The following DOCK3 variants were observed in gnomAD, a reference collection of about 807,000 sequenced individuals.
The protein encoded by DOCK3 is dedicator of cytokinesis 3, also known as dedicator of cytokinesis protein 3.
In DOCK3, 60 loss-of-function variants were observed where a neutral mutation model predicts 265.6. The ratio of observed to expected loss-of-function variants is 0.23; its 90% CI spans 0.18 to 0.28. The LOEUF is 0.28. Ranked by LOEUF, DOCK3 falls within the 10% of genes least tolerant of loss-of-function variation. DOCK3 has a pLI of 1.00. For synonymous variants in DOCK3, 881 were observed against 938.0 expected (o/e 0.94, Z 1.11); for missense variants, 1,981 against 2,594.3 (o/e 0.76, Z 5.14).
intron 27 of DOCK3, among the ~76,000 whole-genome samples, chr3:51,292,390 A>C (rs368057584): frequency 3.9e-5 from 6 of 152,344 alleles, no homozygotes; most frequent in African/African-American, 1.4e-4. Context: ...ACCTGTTAGA[A>C]CTGAAAAACA....
intron 3 of DOCK3, among the ~76,000 whole-genome samples, chr3:50,883,291 A>G (rs1404859927): frequency 6.6e-6 from 1 of 152,154 alleles, no homozygotes; most frequent in Non-Finnish European, 1.5e-5. Flanking sequence ...TTTGCTAGAT[A>G]TCTGTGAATG....
chr3:51,209,002 C>A (rs745562526), intron 13 of DOCK3, 140 bp downstream of exon 13: 8 of 722,898 alleles, frequency 1.1e-5, no homozygotes, highest in Non-Finnish European at 1.5e-5. Flanking sequence ...CCTACTCATT[C>A]TTTTTGTAAT....
chr3:51,228,880 T>G (rs755147415), intron 18 of DOCK3, 48 bp downstream of exon 18: 1 of 1,592,700 alleles, frequency 6.3e-7, no homozygotes. Flanking sequence ...TCCTCCATTG[T>G]TCACTCCACA....
At position 51,158,941 on chromosome 3, in the gene DOCK3, G is replaced by A. The variant is rs866217906; in HGVS notation, c.829-303G>A. Among the ~76,000 whole-genome samples the A allele has an allele frequency of 5.3e-5, 8 of 152,144 alleles. No homozygotes were observed. In the South Asian group the frequency reaches 8.3e-4, roughly 16 times the overall value. Reference sequence around the variant, plus strand: ...CAGAATGTTTTTATATGATGTTAGAGTAAACATGGAATAAGGCGATATCAT... The same window carrying A: ...CAGAATGTTTTTATATGATGTTAGAATAAACATGGAATAAGGCGATATCAT... On this transcript the variant is annotated intron_variant, in intron 10 of 52. Transcript: ENST00000266037.
chr3:51,181,252 A>G (rs2087275244), intron 12 of DOCK3, among the ~76,000 whole-genome samples: 1 of 151,476 alleles, frequency 6.6e-6, no homozygotes, highest in Admixed American at 6.6e-5. Flanking sequence ...CTCGTCATTT[A>G]TATTAGGTAT....
chr3:50,916,709 T>G lies in DOCK3; in HGVS notation c.219-17272T>G, dbSNP rs531981741. ...CTGTAATCCCAGCTATTCAGGAGGCTGAGGCAGGAGAATAGTGTGAACCCG... is the reference window on the plus strand; with the variant it reads ...CTGTAATCCCAGCTATTCAGGAGGCGGAGGCAGGAGAATAGTGTGAACCCG... On this transcript the variant is annotated intron_variant, in intron 4 of 52. Transcript: ENST00000266037. 2.6e-5 allele frequency among the ~76,000 whole-genome samples: 4 copies of G among 151,884 alleles called. No individual in the cohort carries two copies. The East Asian group carries it at 5.8e-4, about 22-fold the overall frequency.
intron 5 of DOCK3, among the ~76,000 whole-genome samples, chr3:50,980,761 CT>C (rs1311968125): frequency 6.6e-6 from 1 of 151,982 alleles, no homozygotes; most frequent in Non-Finnish European, 1.5e-5. Context: ...TCATAATTCT[CT>C]GTAATTATAC....
chr3:51,052,115 A>G (rs993066924), intron 5 of DOCK3, among the ~76,000 whole-genome samples: 5 of 152,204 alleles, frequency 3.3e-5, no homozygotes, highest in African/African-American at 9.7e-5. Context: ...AGGAAGGATG[A>G]GTAGTAGGAA....
intron 1 of DOCK3, among the ~76,000 whole-genome samples, chr3:50,741,948 C>G (rs973367199): frequency 1.3e-5 from 2 of 152,112 alleles, no homozygotes; most frequent in Non-Finnish European, 2.9e-5. Flanking sequence ...TGTTTCCTGA[C>G]TTTTTAATGA....
At chr3:50,758,675 A>C (rs2040344675) in intron 1 of DOCK3, among the ~76,000 whole-genome samples, 1 of 152,142 alleles carries the variant, frequency 6.6e-6, no homozygotes, top group Non-Finnish European at 1.5e-5. Context: ...CTGACTCTTC[A>C]TTCCACACTT....
At chr3:50,739,389 CTA>C (rs889804448) in intron 1 of DOCK3, among the ~76,000 whole-genome samples, 2 of 151,936 alleles carry the variant, frequency 1.3e-5, no homozygotes, top group African/African-American at 4.8e-5. Flanking sequence ...TCATTAGTGA[CTA>C]TATGTTTTGC....
chr3:51,090,108 A>G, intron 8 of DOCK3, 122 bp from the exon 9 acceptor site: 1 of 1,133,144 alleles, frequency 8.8e-7, no homozygotes, highest in South Asian at 1.7e-5. Context: ...AAACATCTTC[A>G]GTTTCTCAAA....
chr3:50,860,813 G>A (rs1045869619), intron 3 of DOCK3, among the ~76,000 whole-genome samples: 4 of 152,232 alleles, frequency 2.6e-5, no homozygotes, highest in Admixed American at 2.6e-4. Context: ...AAGCCAGTGG[G>A]TCTTATCTTC....
chr3:51,255,454 A>C (rs550376409), intron 22 of DOCK3, among the ~76,000 whole-genome samples: 205 of 152,244 alleles, frequency 1.3e-3, no homozygotes, highest in Non-Finnish European at 2.2e-3. Context: ...TAATATCCTA[A>C]AGAGTGTTTT....
intron 1 of DOCK3, among the ~76,000 whole-genome samples, chr3:50,769,655 AC>A (rs1315759948): frequency 1.3e-5 from 2 of 151,918 alleles, no homozygotes; most frequent in Non-Finnish European, 2.9e-5. Context: ...TACTAAAAAT[AC>A]AAAAATTAGC....
At chr3:51,256,593 G>GTTTTTTTT (rs74193219) in intron 22 of DOCK3, among the ~76,000 whole-genome samples, 4 of 126,794 alleles carry the variant, frequency 3.2e-5, no homozygotes, top group Admixed American at 1.6e-4. Flanking sequence ...TTTCGTTTTT[G>GTTTTTTTT]TTTTTTTTTT....
At chr3:51,162,837 G>A (rs544426447) in intron 12 of DOCK3, among the ~76,000 whole-genome samples, 1 of 152,138 alleles carries the variant, frequency 6.6e-6, no homozygotes, top group Non-Finnish European at 1.5e-5. Flanking sequence ...GTCTAATAAA[G>A]TAGTTCTAAA....
intron 1 of DOCK3, among the ~76,000 whole-genome samples, chr3:50,709,346 A>G (rs1004917644): frequency 6.6e-6 from 1 of 152,024 alleles, no homozygotes; most frequent in Non-Finnish European, 1.5e-5. Context: ...GCTACTAGAG[A>G]TACTTTTACT....
At chr3:51,343,567 TG>T (rs1339351656) in intron 38 of DOCK3, among the ~76,000 whole-genome samples, 2 of 152,234 alleles carry the variant, frequency 1.3e-5, no homozygotes, top group African/African-American at 4.8e-5. Context: ...TTTCAGAGAC[TG>T]GTAAGGCATT....
Sources: gnomAD v4.1 joint callset for allele counts (sites outside exome capture counted in the v4.1 genomes callset) on GRCh38, gnomAD v4.1.1 for gene constraint, MANE v1.5 for transcripts, NCBI Gene and HGNC (gene_info 2026-07-23, HGNC 2026-07-21) for gene names.